Variants in TTC39C observed in about 807,000 individuals in gnomAD.
TTC39C encodes tetratricopeptide repeat domain 39C.
A neutral mutation model predicts 76.3 loss-of-function variants in TTC39C; 33 were observed. That is an observed-to-expected ratio of 0.43 (90% CI 0.33 to 0.58). The LOEUF (loss-of-function observed/expected upper bound fraction) is 0.58, where lower values mean the gene tolerates loss of function less well. TTC39C is among the 20% of genes least tolerant of loss of function. TTC39C has a pLI of 0.04. For synonymous variants in TTC39C, 254 were observed against 260.6 expected (o/e 0.97, Z 0.24); for missense variants, 595 against 701.4 (o/e 0.85, Z 1.71).
At chr18:24,092,123 A>AAAAAAAAT (rs1555775346) in intron 6 of TTC39C, among the ~76,000 whole-genome samples, 3 of 50,488 alleles carry the variant, frequency 5.9e-5, no homozygotes, top group African/African-American at 1.5e-4. Flanking sequence ...AAAAAAAAAA[A>AAAAAAAAT]AATAATAATA....
intron 3 of TTC39C, among the ~76,000 whole-genome samples, chr18:24,067,599 GA>G (rs1047072009): frequency 3.3e-5 from 5 of 152,280 alleles, no homozygotes; most frequent in African/African-American, 1.2e-4. Flanking sequence ...CTCCTTATGA[GA>G]ATCTAACTAA....
At chr18:24,090,728 A>G (rs1031143163) in intron 6 of TTC39C, among the ~76,000 whole-genome samples, 1 of 152,018 alleles carries the variant, frequency 6.6e-6, no homozygotes, top group African/African-American at 2.4e-5. Flanking sequence ...ACAGTGTGGT[A>G]CGAGCATAAG....
intron 1 of TTC39C, among the ~76,000 whole-genome samples, chr18:24,002,829 A>G (rs558402725): frequency 6.6e-6 from 1 of 152,346 alleles, no homozygotes; most frequent in Non-Finnish European, 1.5e-5. Flanking sequence ...GCCTGTTTGC[A>G]CTGGGTTTGG....
intron 6 of TTC39C, among the ~76,000 whole-genome samples, chr18:24,094,290 T>G (rs1291293816): frequency 6.6e-6 from 1 of 152,244 alleles, no homozygotes; most frequent in Non-Finnish European, 1.5e-5. Flanking sequence ...TTTCTTGCTA[T>G]TTCTACCACA....
At chr18:24,030,036 C>T (rs1371171364) in intron 1 of TTC39C, among the ~76,000 whole-genome samples, 3 of 152,164 alleles carry the variant, frequency 2.0e-5, no homozygotes, top group African/African-American at 7.2e-5. Flanking sequence ...GAGATTGCTG[C>T]ATCAAATGGT....
chr18:24,105,499 C>A (rs1233927199), intron 6 of TTC39C, among the ~76,000 whole-genome samples: 1 of 152,198 alleles, frequency 6.6e-6, no homozygotes, highest in Non-Finnish European at 1.5e-5. Context: ...TGCACACACA[C>A]ACACATGCCT....
At chr18:24,001,821 C>CTTTTTT (rs1568399948) in intron 1 of TTC39C, among the ~76,000 whole-genome samples, 1 of 33,560 alleles carries the variant, frequency 3.0e-5, no homozygotes, top group Non-Finnish European at 5.9e-5. Flanking sequence ...TACGGTAATT[C>CTTTTTT]TGTTTTTTTT....
At chr18:24,114,058 G>A (rs1022662491) in intron 6 of TTC39C, 5 of 288,354 alleles carry the variant, frequency 1.7e-5, no homozygotes, top group South Asian at 1.1e-4. Flanking sequence ...CATTCACTCA[G>A]TAGCGATTGA....
intron 9 of TTC39C, 31 bp downstream of exon 9, chr18:24,123,974 A>G (rs1181483786): frequency 6.6e-7 from 1 of 1,508,834 alleles, no homozygotes; most frequent in Non-Finnish European, 9.1e-7. Context: ...CTGGTGTATT[A>G]CTTATGATGG....
rs1255938834 is a variant in TTC39C at position 24,080,620 on chromosome 18, T to G, written c.496T>G (p.Trp166Gly). ...IKGGWILRKA[W>G]KIYNKCYLDI... The stretch of plus-strand genomic sequence containing the variant: ...AGGTGGGTGGATCCTTAGGAAAGCC[T>G]GGAAGATTTACAATAAATGCTATCT... Residue 166 changes from tryptophan to glycine, a missense_variant, in exon 5 of 14, where the codon TGG becomes GGG. Coordinates refer to ENST00000317571, the MANE Select transcript of TTC39C (RefSeq NM_001135993.2). 2 of 1,612,670 alleles carry G rather than the reference T, an allele frequency of 1.2e-6. No individual in the cohort carries two copies. Among genetic ancestry groups the G allele is most frequent in the South Asian group, 2.2e-5 (2 of 90,782 alleles).
intron 6 of TTC39C, 43 bp from the exon 7 acceptor site, chr18:24,114,511 C>G: frequency 7.3e-7 from 1 of 1,375,288 alleles, no homozygotes. Flanking sequence ...GTAATGTTAT[C>G]GACAGATCTT....
intron 13 of TTC39C, 78 bp downstream of exon 13, chr18:24,131,998 A>G: frequency 7.3e-7 from 1 of 1,368,450 alleles, no homozygotes; most frequent in Middle Eastern, 1.8e-4. Context: ...AATTCAAGAA[A>G]GTTTGTGCAA....
At chr18:24,116,969 G>A (rs761562809) in intron 7 of TTC39C, among the ~76,000 whole-genome samples, 27 of 151,664 alleles carry the variant, frequency 1.8e-4, no homozygotes, top group Non-Finnish European at 3.2e-4. Flanking sequence ...GGAATTACAG[G>A]CGTGCACCAC....
intron 4 of TTC39C, among the ~76,000 whole-genome samples, chr18:24,073,862 C>A (rs1473011242): frequency 9.9e-5 from 15 of 152,188 alleles, no homozygotes; most frequent in African/African-American, 2.9e-4. Context: ...CTGTACATCA[C>A]CATTTACTGC....
At chr18:24,122,879 C>T (rs111612361) in intron 8 of TTC39C, among the ~76,000 whole-genome samples, 18 of 152,344 alleles carry the variant, frequency 1.2e-4, no homozygotes, top group African/African-American at 2.9e-4. Context: ...CTTTCTGAGC[C>T]TTCTGAAAAC....
chr18:24,123,034 A>G (rs2084992393), intron 8 of TTC39C, among the ~76,000 whole-genome samples: 1 of 152,176 alleles, frequency 6.6e-6, no homozygotes. Context: ...TCTTCTTCAC[A>G]TTGTTGCTGG....
At chr18:24,124,425 G>A (rs1663347) in intron 9 of TTC39C, 1 of 152,304 alleles carries the variant, frequency 6.6e-6, no homozygotes, top group Non-Finnish European at 1.5e-5. Flanking sequence ...GAGAAATGCA[G>A]GCTGTCTGGG....
At position 24,064,152 on chromosome 18, in the gene TTC39C, A is replaced by G. The variant is rs1012726721; in HGVS notation, c.180A>G (p.Pro60=). Residue 60 remains proline, a synonymous_variant, in exon 2 of 14, where the codon CCA becomes CCG. Transcript: ENST00000317571. The part of the protein sequence containing the change: ...QLFKQYRNHS[P]LMSFGASFVS... ...GTTTTTTTAACAGAAATCATAGCCC[A>G]CTAATGAGTTTTGGAGCCAGCTTTG... The G allele has an allele frequency of 6.2e-7, 1 of 1,613,702 alleles. No homozygotes were observed. The highest frequency in any genetic ancestry group is 1.3e-5 in the African/African-American group (1 of 74,908).
At chr18:24,079,794 AT>A (rs1292949203) in intron 4 of TTC39C, among the ~76,000 whole-genome samples, 2 of 120,220 alleles carry the variant, frequency 1.7e-5, no homozygotes, top group East Asian at 2.5e-4. Flanking sequence ...TTGGGTATAC[AT>A]TTTTTTCTTT....
Sources: gnomAD v4.1 joint callset for allele counts (sites outside exome capture counted in the v4.1 genomes callset) on GRCh38, gnomAD v4.1.1 for gene constraint, MANE v1.5 for transcripts, NCBI Gene and HGNC (gene_info 2026-07-23, HGNC 2026-07-21) for gene names.